The following DACH2 variants were observed in gnomAD, a reference collection of about 807,000 sequenced individuals.
DACH2 encodes the protein dachshund homolog 2.
Under a neutral mutation model 35.8 loss-of-function variants are expected in DACH2, and 17 were observed. That is an observed-to-expected ratio of 0.48 (90% CI 0.33 to 0.71). The LOEUF (loss-of-function observed/expected upper bound fraction) is 0.71. Among genes scored for constraint, DACH2 ranks in the 30% least tolerant of loss-of-function variants. The pLI is 0.02. For missense variants in DACH2, 469 were observed against 472.7 expected, an observed-to-expected ratio of 0.99 and a Z score of 0.07; for synonymous variants, 195 against 177.3, an observed-to-expected ratio of 1.10 and a Z score of -0.79.
intron 1 of DACH2, among the ~76,000 whole-genome samples, chrX:86,207,363 T>C (rs2032338462): frequency 9.0e-6 from 1 of 111,303 alleles, no homozygotes; most frequent in Admixed American, 9.6e-5. Context: ...TCATATTGCT[T>C]TGGCACTGGT....
At chrX:86,819,715 C>T (rs761741085) in intron 11 of DACH2, among the ~76,000 whole-genome samples, 95 of 111,543 alleles carry the variant, frequency 8.5e-4, no homozygotes, top group Non-Finnish European at 1.3e-3. Flanking sequence ...TGATTGCCTG[C>T]GCCCAGATTG....
At chrX:86,572,195 A>G (rs1161564331) in intron 3 of DACH2, among the ~76,000 whole-genome samples, 1 of 111,157 alleles carries the variant, frequency 9.0e-6, no homozygotes, top group Non-Finnish European at 1.9e-5. Flanking sequence ...ATACATATGT[A>G]ACAAACCTGC....
chrX:86,348,380 T>C (rs1306924836), intron 1 of DACH2, among the ~76,000 whole-genome samples: 1 of 112,293 alleles, frequency 8.9e-6, no homozygotes, highest in Non-Finnish European at 1.9e-5. Context: ...TAACATGTTA[T>C]TTGGAAAACT....
At chrX:86,745,800 A>G (rs762410393) in intron 7 of DACH2, among the ~76,000 whole-genome samples, 1 of 111,516 alleles carries the variant, frequency 9.0e-6, no homozygotes, top group East Asian at 2.8e-4. Flanking sequence ...AAGTTCTTTG[A>G]GAAATCGCCA....
At chrX:86,170,589 T>C (rs1254023684) in intron 1 of DACH2, among the ~76,000 whole-genome samples, 1 of 111,900 alleles carries the variant, frequency 8.9e-6, no homozygotes, top group Non-Finnish European at 1.9e-5. Flanking sequence ...TTTTGCCCCT[T>C]TGCCAATGCA....
chrX:86,701,675 C>G, intron 5 of DACH2, among the ~76,000 whole-genome samples: 1 of 112,023 alleles, frequency 8.9e-6, no homozygotes, highest in South Asian at 3.7e-4. Context: ...CCATGGAATA[C>G]TACACAGCCA....
intron 7 of DACH2, 37 bp from the exon 8 acceptor site, chrX:86,812,819 A>G (rs1350450549): frequency 8.9e-7 from 1 of 1,119,428 alleles, no homozygotes; most frequent in Non-Finnish European, 1.2e-6. Context: ...TGAGCTCTTA[A>G]TCTGTGAACC....
At chrX:86,244,335 C>T (rs759119364) in intron 1 of DACH2, among the ~76,000 whole-genome samples, 1 of 112,011 alleles carries the variant, frequency 8.9e-6, no homozygotes, top group Non-Finnish European at 1.9e-5. Context: ...TGAATAAATT[C>T]GTGGGAAGAT....
chrX:86,556,189 G>GT (rs2148316509), intron 3 of DACH2, among the ~76,000 whole-genome samples: 1 of 111,317 alleles, frequency 9.0e-6, no homozygotes, highest in Admixed American at 9.6e-5. Context: ...AAGCTCTCCT[G>GT]TTTTTCATAC....
At chrX:86,768,508 T>A (rs1047328853) in intron 7 of DACH2, among the ~76,000 whole-genome samples, 3 of 111,817 alleles carry the variant, frequency 2.7e-5, no homozygotes, top group African/African-American at 9.7e-5. Context: ...TCATGTTTAA[T>A]AATTCGAAAG....
intron 2 of DACH2, among the ~76,000 whole-genome samples, chrX:86,407,210 A>T (rs745782258): frequency 8.9e-6 from 1 of 112,103 alleles, no homozygotes; most frequent in African/African-American, 3.2e-5. Flanking sequence ...TTGAATGAAC[A>T]TGATAAACTT....
chrX:86,375,227 G>A (rs1402113304), intron 1 of DACH2, among the ~76,000 whole-genome samples: 7 of 106,732 alleles, frequency 6.6e-5, no homozygotes, highest in Admixed American at 1.0e-4. Flanking sequence ...ATTCTAACAC[G>A]AATGTTTCTG....
Position 86,832,522 on chromosome X carries a change from T to A in DACH2, c.*367T>A, listed in dbSNP as rs915896290. 6.9e-6 allele frequency: 1 copy of A among 144,660 alleles called. No individual in the cohort carries two copies. The highest frequency in any genetic ancestry group is 3.1e-5 in the African/African-American group (1 of 31,929). 11.9% of individuals were successfully genotyped at this position (144,660 alleles called of 1,213,427 possible). ...TATATGTATGGTTTCCCTGTTCTAC[T>A]ATACATAACGTTAAAGTACACCTTC... is the stretch of plus-strand genomic sequence containing the variant. On this transcript the variant is annotated 3_prime_UTR_variant, in exon 12 of 12. Coordinates refer to ENST00000373125, the MANE Select transcript of DACH2 (RefSeq NM_053281.3).
chrX:86,778,573 A>G (rs888200203), intron 7 of DACH2, among the ~76,000 whole-genome samples: 4 of 111,817 alleles, frequency 3.6e-5, no homozygotes, highest in Admixed American at 9.5e-5. Context: ...TGCCACAGAC[A>G]TTCATTATGC....
At chrX:86,819,591 G>A (rs1697010184) in intron 11 of DACH2, among the ~76,000 whole-genome samples, 1 of 111,736 alleles carries the variant, frequency 8.9e-6, no homozygotes, top group Non-Finnish European at 1.9e-5. Flanking sequence ...TCTTTTTACT[G>A]CATTCTGCCA....
chrX:86,364,858 T>G (rs2035784946), intron 1 of DACH2, among the ~76,000 whole-genome samples: 1 of 111,756 alleles, frequency 8.9e-6, no homozygotes, highest in African/African-American at 3.2e-5. Flanking sequence ...AGTTTTAGAC[T>G]TAAGAGAGCA....
At chrX:86,398,870 G>T (rs1390289793) in intron 2 of DACH2, among the ~76,000 whole-genome samples, 3 of 111,812 alleles carry the variant, frequency 2.7e-5, no homozygotes, top group Non-Finnish European at 5.6e-5. Context: ...TGTTGATTTG[G>T]GGTGGAGATT....
chrX:86,294,130 TTC>T (rs1349683254), intron 1 of DACH2, among the ~76,000 whole-genome samples: 31 of 111,548 alleles, frequency 2.8e-4, no homozygotes, highest in African/African-American at 1.0e-3. Context: ...TTTCTTTTTA[TTC>T]TTTTTTCTCT....
chrX:86,541,910 C>T (rs749711825), intron 3 of DACH2, among the ~76,000 whole-genome samples: 9 of 111,614 alleles, frequency 8.1e-5, no homozygotes, highest in Admixed American at 5.7e-4. Context: ...GTACTCTTAA[C>T]CCCTGAGTGG....
Sources: gnomAD v4.1 joint callset for allele counts (sites outside exome capture counted in the v4.1 genomes callset) on GRCh38, gnomAD v4.1.1 for gene constraint, MANE v1.5 for transcripts, NCBI Gene and HGNC (gene_info 2026-07-23, HGNC 2026-07-21) for gene names.